Variants in ADGB observed in about 807,000 individuals in gnomAD.
ADGB encodes the protein calpain-7-like protein.
A neutral mutation model predicts 210.5 loss-of-function variants in ADGB; 172 were observed. The observed-to-expected ratio is 0.82, with a 90% CI of 0.72 to 0.93. The LOEUF is 0.93. Ranked by LOEUF, ADGB falls within the 40% of genes least tolerant of loss-of-function variation. The pLI is 0.00. For synonymous variants in ADGB, 658 were observed against 662.7 expected (o/e 0.99, Z 0.11); for missense variants, 2,025 against 1,964.8 (o/e 1.03, Z -0.58).
At chr6:146,797,458 C>G (rs1374483832) in intron 33 of ADGB, among the ~76,000 whole-genome samples, 2 of 151,996 alleles carry the variant, frequency 1.3e-5, no homozygotes, top group Non-Finnish European at 2.9e-5. Flanking sequence ...TCAACCAACC[C>G]ATCAACCAAC....
chr6:146,775,201 C>T (rs1777704993), intron 29 of ADGB, among the ~76,000 whole-genome samples: 1 of 151,784 alleles, frequency 6.6e-6, no homozygotes, highest in Non-Finnish European at 1.5e-5. Context: ...CAATGTTGCC[C>T]CACTTATTTA....
chr6:146,710,810 C>T (rs965755487), intron 13 of ADGB, among the ~76,000 whole-genome samples: 1 of 152,108 alleles, frequency 6.6e-6, no homozygotes, highest in African/African-American at 2.4e-5. Flanking sequence ...TCAGTCTTCT[C>T]CAGAGTCACC....
intron 2 of ADGB, among the ~76,000 whole-genome samples, chr6:146,643,431 T>C (rs745415784): frequency 7.9e-5 from 12 of 152,022 alleles, no homozygotes; most frequent in Admixed American, 3.3e-4. Context: ...ATAGATAGTT[T>C]ATATTCCTCA....
rs985388360 is a variant in ADGB, at chr6:146,706,241, T to G, written c.1707+5171T>G. On this transcript the variant is annotated intron_variant, in intron 13 of 35. Coordinates refer to ENST00000397944, the MANE Select transcript of ADGB (RefSeq NM_024694.4). ...TGGCCAACATGGGACAGTTTTTTGT[T>G]TTTTTTTTCTTTTCTTTTTCTTTTT... Among the ~76,000 whole-genome samples the G allele has an allele frequency of 2.3e-4, 35 of 150,792 alleles. No individual in the cohort carries two copies. In the South Asian group the frequency reaches 4.8e-3, roughly 21 times the overall value.
chr6:146,603,631 A>C (rs1000062775), intron 1 of ADGB, among the ~76,000 whole-genome samples: 1 of 152,206 alleles, frequency 6.6e-6, no homozygotes, highest in African/African-American at 2.4e-5. Flanking sequence ...CCTTTCAAAA[A>C]CAGAATGAAA....
chr6:146,618,243 T>A (rs1295308100), intron 1 of ADGB, among the ~76,000 whole-genome samples: 1 of 151,798 alleles, frequency 6.6e-6, no homozygotes, highest in Non-Finnish European at 1.5e-5. Context: ...TTGTCTCAGA[T>A]TTTATTTATT....
At chr6:146,691,917 C>T (rs1776335493) in intron 11 of ADGB, among the ~76,000 whole-genome samples, 1 of 151,664 alleles carries the variant, frequency 6.6e-6, no homozygotes, top group East Asian at 1.9e-4. Context: ...CTCTCCGTCC[C>T]TCCTTCCTTC....
At chr6:146,635,254 A>G (rs1775401407) in intron 1 of ADGB, 121 bp from the exon 2 acceptor site, 1 of 865,786 alleles carries the variant, frequency 1.2e-6, no homozygotes, top group Non-Finnish European at 1.6e-6. Flanking sequence ...GTATGATTGT[A>G]TTAAAAATGT....
chr6:146,765,202 A>G (rs1777554404), intron 28 of ADGB, among the ~76,000 whole-genome samples: 1 of 152,174 alleles, frequency 6.6e-6, no homozygotes, highest in Non-Finnish European at 1.5e-5. Context: ...AATTATCTAG[A>G]CACAATAAAT....
rs1436099460 is a variant in ADGB, at chr6:146,717,566, A to G, written c.1959A>G (p.Ser653=). The stretch of plus-strand genomic sequence containing the variant: ...TATATATTTTCCACAAGCCAAGTTC[A>G]TATTGCCTTAACTTTCAAAAATCAG... ...QNIYIFHKPS[S]YCLNFQKSEF... is the part of the protein sequence containing the mutation. The change falls in exon 16 of 36, where the codon TCA becomes TCG. Residue 653 remains serine, a synonymous_variant. Transcript: ENST00000397944. 19 of 1,410,902 alleles carry G rather than the reference A, an allele frequency of 1.3e-5. No individual in the cohort carries two copies. Among genetic ancestry groups the G allele is most frequent in the Non-Finnish European group, 1.7e-5 (18 of 1,037,940 alleles). The allele number at this position is 1,410,902 out of a possible 1,614,324, so 87.4% of individuals were successfully genotyped here. A position where few individuals can be genotyped will look rare whatever the true frequency, so the allele number is the denominator to read the frequency against.
At chr6:146,787,863 T>A (rs539700902) in intron 32 of ADGB, among the ~76,000 whole-genome samples, 1 of 152,268 alleles carries the variant, frequency 6.6e-6, no homozygotes, top group African/African-American at 2.4e-5. Context: ...TTATGGTAGG[T>A]TTTACATAGT....
intron 26 of ADGB, among the ~76,000 whole-genome samples, chr6:146,751,313 T>C (rs1411865991): frequency 6.6e-6 from 1 of 152,094 alleles, no homozygotes; most frequent in Non-Finnish European, 1.5e-5. Flanking sequence ...CATGATCTCA[T>C]TCCTTTTTAT....
At chr6:146,731,207 A>G (rs1452974598) in intron 20 of ADGB, among the ~76,000 whole-genome samples, 1 of 152,170 alleles carries the variant, frequency 6.6e-6, no homozygotes, top group Non-Finnish European at 1.5e-5. Context: ...ACAGCATGAG[A>G]GTAATATACA....
chr6:146,807,579 A>T (rs557172671), intron 35 of ADGB: 2 of 1,537,406 alleles, frequency 1.3e-6, no homozygotes, highest in African/African-American at 2.8e-5. Context: ...GAAAGGAAAG[A>T]AAAAGTAACC....
intron 2 of ADGB, among the ~76,000 whole-genome samples, chr6:146,639,965 C>A (rs897417027): frequency 1.3e-5 from 2 of 151,820 alleles, no homozygotes; most frequent in South Asian, 2.1e-4. Flanking sequence ...CAAAGATCAA[C>A]AAATCCAGGA....
intron 13 of ADGB, among the ~76,000 whole-genome samples, chr6:146,709,764 C>G (rs554530747): frequency 2.6e-5 from 4 of 152,166 alleles, no homozygotes; most frequent in Non-Finnish European, 5.9e-5. Flanking sequence ...TTTTCCTTCT[C>G]CCAAGTAGAG....
intron 27 of ADGB, among the ~76,000 whole-genome samples, chr6:146,763,300 G>A (rs941674104): frequency 1.3e-5 from 2 of 152,178 alleles, no homozygotes; most frequent in African/African-American, 4.8e-5. Context: ...TAAGCCCAAT[G>A]TCATGGCTGG....
At chr6:146,674,261 C>T (rs1776054769) in intron 8 of ADGB, among the ~76,000 whole-genome samples, 1 of 151,870 alleles carries the variant, frequency 6.6e-6, no homozygotes, top group African/African-American at 2.4e-5. Flanking sequence ...AGAAGCTTGT[C>T]CTTGAAGAAC....
In ADGB at chr6:146,656,753, A is replaced by G. The variant is rs1480641563; in HGVS notation, c.403-18A>G. 2.0e-6 allele frequency: 3 copies of G among 1,485,482 alleles called. No homozygotes were observed. The highest frequency in any genetic ancestry group is 2.3e-5 in the Admixed American group (1 of 42,996). The allele number at this position is 1,485,482 out of a possible 1,614,324, so 92.0% of individuals were successfully genotyped here. ...AACTGAAAAATAACCAATTAACCCT[A>G]ATGTTTTTTATCTCTAGCTGATGAG... On this transcript the variant is annotated intron_variant, in intron 4 of 35. Transcript: ENST00000397944.
Sources: gnomAD v4.1 joint callset for allele counts (sites outside exome capture counted in the v4.1 genomes callset) on GRCh38, gnomAD v4.1.1 for gene constraint, MANE v1.5 for transcripts, NCBI Gene and HGNC (gene_info 2026-07-23, HGNC 2026-07-21) for gene names.